SLC12A3: variants seen among roughly 807,000 people sequenced by gnomAD.
SLC12A3 encodes Na-Cl cotransporter.
A neutral mutation model predicts 121.0 loss-of-function variants in SLC12A3; 104 were observed. The observed-to-expected ratio is 0.86, with a 90% CI of 0.73 to 1.01. The LOEUF (loss-of-function observed/expected upper bound fraction) is 1.01, where lower values mean the gene tolerates loss of function less well. Ranked by LOEUF, SLC12A3 falls within the 50% of genes least tolerant of loss-of-function variation. SLC12A3 has a pLI of 0.00. For synonymous variants in SLC12A3, 536 were observed against 533.4 expected (o/e 1.00, Z -0.07); for missense variants, 1,328 against 1,356.3 (o/e 0.98, Z 0.33).
At chr16:56,879,034 G>C in intron 9 of SLC12A3, 39 bp from the exon 10 acceptor site, 2 of 1,578,476 alleles carry the variant, frequency 1.3e-6, no homozygotes, top group Non-Finnish European at 1.7e-6. Flanking sequence ...GAGTAAGGAG[G>C]GAAGGCAGAC....
intron 19 of SLC12A3, 100 bp from the exon 20 acceptor site, chr16:56,891,983 G>A (rs546777390): frequency 2.0e-5 from 18 of 904,736 alleles, no homozygotes; most frequent in Non-Finnish European, 3.0e-5. Flanking sequence ...GTGGGGCATC[G>A]GGACTTTCTT....
At chr16:56,888,898 T>C (rs2055354543) in intron 18 of SLC12A3, among the ~76,000 whole-genome samples, 1 of 151,516 alleles carries the variant, frequency 6.6e-6, no homozygotes, top group Admixed American at 6.6e-5. Context: ...CAAATGTGAG[T>C]TTTTAGGTGA....
chr16:56,905,059 G>T (rs1166419046), intron 25 of SLC12A3, among the ~76,000 whole-genome samples: 1 of 152,176 alleles, frequency 6.6e-6, no homozygotes, highest in African/African-American at 2.4e-5. Context: ...AACATGATTG[G>T]CCGGGCACGG....
intron 23 of SLC12A3, among the ~76,000 whole-genome samples, chr16:56,900,161 G>C (rs368610349): frequency 8.6e-5 from 13 of 152,036 alleles, no homozygotes; most frequent in South Asian, 2.1e-4. Flanking sequence ...TCTCCCAGCC[G>C]TAAGGATGTC....
At chr16:56,902,570 C>G (rs2055553758) in intron 24 of SLC12A3, 62 bp downstream of exon 24, 3 of 1,597,870 alleles carry the variant, frequency 1.9e-6, no homozygotes, top group Non-Finnish European at 2.6e-6. Flanking sequence ...GGGTGTCCTG[C>G]ATGTCTTGAG....
chr16:56,888,425 G>T (rs1211005414), intron 18 of SLC12A3, among the ~76,000 whole-genome samples: 2 of 152,218 alleles, frequency 1.3e-5, no homozygotes, highest in Non-Finnish European at 2.9e-5. Context: ...CCAGGCCAGG[G>T]GTGATAGGGA....
At chr16:56,873,385 T>C (rs1370512781) in intron 8 of SLC12A3, among the ~76,000 whole-genome samples, 8 of 119,458 alleles carry the variant, frequency 6.7e-5, no homozygotes, top group South Asian at 2.8e-4. Flanking sequence ...TTTTTTTTTT[T>C]TTTTTTTTTT....
rs148100736 is a variant in SLC12A3 at position 56,897,706 on chromosome 16, G to A, written c.2634-1824G>A. 6.6e-3 allele frequency among the ~76,000 whole-genome samples: 1,001 copies of A among 152,314 alleles called. 5 individuals carry two copies. The highest frequency in any genetic ancestry group is 0.024 in the Middle Eastern group (7 of 294). ...GTTCAGTAGGTTTGGTATAGCTCAA[G>A]GCTATGGAAGCCTGGGCTAACAGCA... On this transcript the variant is annotated intron_variant, in intron 22 of 25. Coordinates refer to ENST00000563236, the MANE Select transcript of SLC12A3 (RefSeq NM_001126108.2).
In SLC12A3 at chr16:56,884,185, T is replaced by C. The variant is rs996156021; in HGVS notation, c.1806T>C (p.Tyr602=). ...GCGTGGTGCTCTTCCTCCTGCTCTA[T>C]GTCATCTACAAGAAGCCAGGTGCGC... ...AIGVVLFLLL[Y]VIYKKPEVNW... is the part of the protein sequence containing the mutation. Residue 602 remains tyrosine, a synonymous_variant, in exon 14 of 26, where the codon TAT becomes TAC. Coordinates refer to ENST00000563236, the MANE Select transcript of SLC12A3 (RefSeq NM_001126108.2). 3.1e-6 allele frequency: 5 copies of C among 1,614,120 alleles called. No individual in the cohort carries two copies. The highest frequency in any genetic ancestry group is 3.3e-5 in the Admixed American group (2 of 60,012).
intron 23 of SLC12A3, among the ~76,000 whole-genome samples, chr16:56,901,563 C>A (rs1384486481): frequency 6.6e-6 from 1 of 152,176 alleles, no homozygotes; most frequent in African/African-American, 2.4e-5. Flanking sequence ...TGGTCTCGAA[C>A]TTCTGACCTC....
intron 22 of SLC12A3, among the ~76,000 whole-genome samples, chr16:56,895,291 A>G (rs1485699271): frequency 2.0e-5 from 3 of 147,098 alleles, no homozygotes; most frequent in Non-Finnish European, 4.5e-5. Context: ...CCCTGGGTTC[A>G]AGCAATTCTC....
intron 11 of SLC12A3, 64 bp downstream of exon 11, chr16:56,879,713 G>C: frequency 1.6e-6 from 2 of 1,239,664 alleles, no homozygotes; most frequent in Non-Finnish European, 2.4e-6. Flanking sequence ...GGCACAATAG[G>C]GCGGGTCCCT....
chr16:56,909,862 G>A (rs1192332950), intron 25 of SLC12A3, among the ~76,000 whole-genome samples: 1 of 152,040 alleles, frequency 6.6e-6, no homozygotes, highest in Non-Finnish European at 1.5e-5. Flanking sequence ...CTGGGAGAGC[G>A]TGCTTGGAGC....
intron 23 of SLC12A3, among the ~76,000 whole-genome samples, chr16:56,900,777 C>T (rs1035187121): frequency 6.6e-6 from 1 of 152,218 alleles, no homozygotes; most frequent in East Asian, 1.9e-4. Flanking sequence ...GTGACCCACC[C>T]GCCTTGGCCT....
At chr16:56,873,157 G>A (rs549437436) in intron 8 of SLC12A3, among the ~76,000 whole-genome samples, 2 of 152,196 alleles carry the variant, frequency 1.3e-5, no homozygotes, top group Admixed American at 1.3e-4. Context: ...CTGCAGGCAG[G>A]CTTCTTGGCT....
At chr16:56,891,301 G>A (rs1596930419) in intron 19 of SLC12A3, among the ~76,000 whole-genome samples, 1 of 140,290 alleles carries the variant, frequency 7.1e-6, no homozygotes, top group Non-Finnish European at 1.5e-5. Flanking sequence ...GAGGCCAGGA[G>A]TTTGAGGCTG....
intron 18 of SLC12A3, among the ~76,000 whole-genome samples, chr16:56,888,272 C>T (rs1482691194): frequency 6.6e-6 from 1 of 152,156 alleles, no homozygotes; most frequent in African/African-American, 2.4e-5. Context: ...GAGCAAGACC[C>T]CATCTTTGAA....
intron 13 of SLC12A3, 89 bp from the exon 14 acceptor site, chr16:56,883,960 G>C: frequency 6.9e-7 from 1 of 1,448,526 alleles, no homozygotes; most frequent in Non-Finnish European, 9.6e-7. Context: ...GGGCACTGCT[G>C]GCATTACTGC....
intron 6 of SLC12A3, 83 bp from the exon 7 acceptor site, chr16:56,872,268 C>A: frequency 2.2e-6 from 2 of 918,734 alleles, no homozygotes; most frequent in Non-Finnish European, 3.6e-6. Flanking sequence ...AGAAACGGGC[C>A]CTGGGCAAAT....
Sources: gnomAD v4.1 joint callset for allele counts (sites outside exome capture counted in the v4.1 genomes callset) on GRCh38, gnomAD v4.1.1 for gene constraint, MANE v1.5 for transcripts, NCBI Gene and HGNC (gene_info 2026-07-23, HGNC 2026-07-21) for gene names.